Variants in WNT9A observed in about 807,000 individuals in gnomAD.
WNT9A encodes Wnt family member 9A.
WNT9A carries 8 observed loss-of-function variants against 31.4 expected under a neutral mutation model. That is an observed-to-expected ratio of 0.26 (90% CI 0.15 to 0.46). The LOEUF is 0.46. WNT9A is among the 20% of genes least tolerant of loss of function. The pLI, the probability that WNT9A is intolerant of heterozygous loss-of-function variation, is 0.99. For missense variants in WNT9A, 457 were observed against 522.9 expected (o/e 0.87, Z 1.23); for synonymous variants, 236 against 220.1 (o/e 1.07, Z -0.64).
chr1:227,939,896 G>A (rs1163498622), intron 1 of WNT9A, among the ~76,000 whole-genome samples: 1 of 152,192 alleles, frequency 6.6e-6, no homozygotes, highest in East Asian at 1.9e-4. Context: ...AACCCAGCCC[G>A]AGCCCAGCTT....
At chr1:227,927,108 T>G (rs2102720327) in intron 1 of WNT9A, among the ~76,000 whole-genome samples, 1 of 152,112 alleles carries the variant, frequency 6.6e-6, no homozygotes, top group African/African-American at 2.4e-5. Flanking sequence ...TTCAGGATGC[T>G]CAGAGCCAGC....
At position 227,924,230 on chromosome 1, in the gene WNT9A, T is replaced by C. The variant is rs775395021; in HGVS notation, c.523A>G (p.Ser175Gly). Reference sequence around the variant, plus strand: ...AGGAATTCCTTGACGAACTTGCTGCTGTACTTAAGGTTGTCTCCGCAGCCC... The same window carrying C: ...AGGAATTCCTTGACGAACTTGCTGCCGTACTTAAGGTTGTCTCCGCAGCCC... ...WGGCGDNLKYSSKFVKEFLGR... is the reference protein window; with the variant it reads ...WGGCGDNLKYGSKFVKEFLGR... The change falls in exon 3 of 4, where the codon AGC (serine) becomes GGC (glycine). Residue 175 changes from serine to glycine, a missense_variant. Transcript: ENST00000272164. 14 of 1,613,644 alleles carry C rather than the reference T, an allele frequency of 8.7e-6. No homozygotes were observed. Among genetic ancestry groups the C allele is most frequent in the Non-Finnish European group, 1.2e-5 (14 of 1,179,958 alleles).
Position 227,926,396 on chromosome 1 carries a change from G to A in WNT9A, c.96-877C>T, listed in dbSNP as rs563612037. 2.4e-4 allele frequency among the ~76,000 whole-genome samples: 36 copies of A among 152,084 alleles called. No homozygotes were observed. The highest frequency in any genetic ancestry group is 8.7e-4 in the African/African-American group (36 of 41,490). On this transcript the variant is annotated intron_variant, in intron 1 of 3. Transcript: ENST00000272164. The surrounding 1 kb of genome is among the most constrained non-coding windows in gnomAD (Gnocchi z 5.0). ...TGCTGGCTCACCTGCTGCTGCTGCT[G>A]GGCTCACTTCACAAGGCTTCCCTCA...
intron 1 of WNT9A, chr1:227,941,487 G>A (rs908220896): frequency 6.5e-6 from 1 of 154,004 alleles, no homozygotes; most frequent in African/African-American, 2.4e-5. Context: ...TGCATCTGAG[G>A]AGACTCCATG....
intron 1 of WNT9A, among the ~76,000 whole-genome samples, chr1:227,935,762 C>T (rs1291135360): frequency 6.6e-6 from 1 of 152,100 alleles, no homozygotes; most frequent in East Asian, 1.9e-4. Flanking sequence ...GTTGTTATTC[C>T]ACATATTCCC....
At chr1:227,939,008 G>C (rs79676843) in intron 1 of WNT9A, among the ~76,000 whole-genome samples, 2 of 152,296 alleles carry the variant, frequency 1.3e-5, no homozygotes, top group South Asian at 4.1e-4. Context: ...TGAAGGGCCC[G>C]GATGACGACG....
In WNT9A at chr1:227,925,514, G is replaced by A. The variant is rs752190826; in HGVS notation, c.101C>T (p.Thr34Met). The part of the protein sequence containing the change: ...LRPSAAYFGL[T>M]GSEPLTILPL... ...GAGGATGGTCAGGGGCTCGCTGCCC[G>A]TCAGCCTGGGCACAGAGAGGCCAGC... is the stretch of plus-strand genomic sequence containing the variant. The change falls in exon 2 of 4, where the codon ACG (threonine) becomes ATG (methionine). Residue 34 changes from threonine (T) to methionine (M), a missense_variant. Coordinates refer to ENST00000272164, the MANE Select transcript of WNT9A (RefSeq NM_003395.4). The surrounding 1 kb of genome is among the most constrained non-coding windows in gnomAD (Gnocchi z 6.0). The A allele has an allele frequency of 9.7e-6, 15 of 1,541,698 alleles. No individual in the cohort carries two copies. Among genetic ancestry groups the A allele is most frequent in the East Asian group, 2.4e-5 (1 of 41,752 alleles).
Position 227,921,810 on chromosome 1 carries a change from G to A in WNT9A, c.806C>T (p.Pro269Leu), listed in dbSNP as rs946442276. The change falls in exon 4 of 4, where the codon CCA becomes CTA. Residue 269 changes from proline (P) to leucine (L), a missense_variant. Physicochemically the swap from Pro to Leu is moderately conservative, Grantham distance 98 (BLOSUM62 -3). Coordinates refer to ENST00000272164, the MANE Select transcript of WNT9A (RefSeq NM_003395.4). ...EAAGEAGAIS[P>L]PRGRASGAGG... ...TGCCCCCGAGGCACGGCCCCGTGGTGGGGAGATGGCACCTGCCTCGCCGGC... is the reference window on the plus strand; with the variant it reads ...TGCCCCCGAGGCACGGCCCCGTGGTAGGGAGATGGCACCTGCCTCGCCGGC... The A allele has an allele frequency of 5.0e-6, 8 of 1,612,848 alleles. No individual in the cohort carries two copies. Among genetic ancestry groups the A allele is most frequent in the Non-Finnish European group, 6.8e-6 (8 of 1,179,846 alleles).
intron 1 of WNT9A, among the ~76,000 whole-genome samples, chr1:227,936,672 C>G (rs1666601273): frequency 6.6e-6 from 1 of 150,918 alleles, no homozygotes; most frequent in South Asian, 2.1e-4. Context: ...TCTGTTCAAG[C>G]TGGAGGGCAG....
At chr1:227,937,899 C>T (rs1233380069) in intron 1 of WNT9A, among the ~76,000 whole-genome samples, 1 of 152,184 alleles carries the variant, frequency 6.6e-6, no homozygotes, top group Non-Finnish European at 1.5e-5. Flanking sequence ...GGGCCACCTG[C>T]GGTCCCAGAG....
chr1:227,939,324 T>C (rs1666654154), intron 1 of WNT9A, among the ~76,000 whole-genome samples: 2 of 152,188 alleles, frequency 1.3e-5, no homozygotes, highest in Admixed American at 1.3e-4. Context: ...AGAAGCTCCG[T>C]GGAGACCATT....
chr1:227,929,527 A>G (rs761187469), intron 1 of WNT9A, among the ~76,000 whole-genome samples: 1 of 152,244 alleles, frequency 6.6e-6, no homozygotes, highest in Non-Finnish European at 1.5e-5. Flanking sequence ...GGCGATGAAC[A>G]GGATTAGTGT....
At chr1:227,939,614 T>C (rs1666658011) in intron 1 of WNT9A, among the ~76,000 whole-genome samples, 1 of 152,062 alleles carries the variant, frequency 6.6e-6, no homozygotes, top group Non-Finnish European at 1.5e-5. Flanking sequence ...CAGGAAGTCC[T>C]ACGGAGGGAG....
At position 227,942,465 on chromosome 1, in the gene WNT9A, C is replaced by T. The variant is rs1188842567; in HGVS notation, c.95+5328G>A. Among the ~76,000 whole-genome samples, 2 of 152,138 alleles carry T rather than the reference C, an allele frequency of 1.3e-5. No homozygotes were observed. The highest frequency in any genetic ancestry group is 4.8e-5 in the African/African-American group (2 of 41,438). Reference sequence around the variant, plus strand: ...CCAAGCACCTGGGTCCCTCTACTGGCCACGGGGTCCCAGTCCAGGAGTCCT... The same window carrying T: ...CCAAGCACCTGGGTCCCTCTACTGGTCACGGGGTCCCAGTCCAGGAGTCCT... On this transcript the variant is annotated intron_variant, in intron 1 of 3. Coordinates refer to ENST00000272164, the MANE Select transcript of WNT9A (RefSeq NM_003395.4). This position sits in a 1 kb window ranked among gnomAD's most constrained non-coding sequence, Gnocchi z 5.7.
Position 227,925,518 on chromosome 1 carries a change from G to T in WNT9A, c.97C>A (p.Leu33Met). 6.5e-7 allele frequency: 1 copy of T among 1,538,664 alleles called. No individual in the cohort carries two copies. Among genetic ancestry groups the T allele is most frequent in the South Asian group, 1.2e-5 (1 of 83,098 alleles). The change falls in exon 2 of 4, where the codon CTG (leucine) becomes ATG (methionine). Residue 33 changes from leucine to methionine, a missense_variant and splice_region_variant. Leu to Met is a conservative substitution (Grantham distance 15). Transcript: ENST00000272164. This position sits in a 1 kb window ranked among gnomAD's most constrained non-coding sequence, Gnocchi z 6.0. ...ALRPSAAYFG[L>M]TGSEPLTILP... ...ATGGTCAGGGGCTCGCTGCCCGTCA[G>T]CCTGGGCACAGAGAGGCCAGCATGA...
intron 1 of WNT9A, among the ~76,000 whole-genome samples, chr1:227,940,951 G>A (rs754577920): frequency 2.6e-5 from 4 of 152,372 alleles, no homozygotes; most frequent in South Asian, 2.1e-4. Flanking sequence ...CACCCTGCCC[G>A]GCCTGGACCA....
At chr1:227,922,693 C>T (rs1342029320) in intron 3 of WNT9A, among the ~76,000 whole-genome samples, 1 of 152,202 alleles carries the variant, frequency 6.6e-6, no homozygotes, top group African/African-American at 2.4e-5. Flanking sequence ...GAGGGCCAGG[C>T]ACCCACAATC....
chr1:227,944,053 A>T (rs1455796579), intron 1 of WNT9A, among the ~76,000 whole-genome samples: 1 of 151,468 alleles, frequency 6.6e-6, no homozygotes, highest in African/African-American at 2.4e-5. Flanking sequence ...AGAACTGAAA[A>T]CACACACACA....
intron 3 of WNT9A, 38 bp downstream of exon 3, chr1:227,924,087 GACGCTCTTTCTGA>G: frequency 1.3e-5 from 5 of 382,426 alleles, no homozygotes; most frequent in South Asian, 6.1e-5. Context: ...CCAACCCCCT[GACGCTCTTTCTGA>G]CCCTCCCTTC....
Sources: allele counts gnomAD v4.1 joint callset (sites outside exome capture counted in the v4.1 genomes callset), GRCh38; gene constraint gnomAD v4.1.1; non-coding constraint Gnocchi (gnomAD v3.1); transcripts MANE v1.5; gene names NCBI Gene and HGNC (gene_info 2026-07-23, HGNC 2026-07-21).